Variants in NAV2 observed in about 807,000 individuals in gnomAD.
The protein encoded by NAV2 is neuron navigator 2, also known as helicase, APC down-regulated 1.
In NAV2, 54 loss-of-function variants were observed where a neutral mutation model predicts 223.2. The observed-to-expected ratio is 0.24, with a 90% CI of 0.19 to 0.30. The LOEUF (loss-of-function observed/expected upper bound fraction) is 0.30, where lower values mean the gene tolerates loss of function less well. Among genes scored for constraint, NAV2 ranks in the 10% least tolerant of loss-of-function variants. The pLI, the probability that NAV2 is intolerant of heterozygous loss-of-function variation, is 1.00. For synonymous variants in NAV2, 1,279 were observed against 1,239.3 expected (o/e 1.03, Z -0.67); for missense variants, 2,806 against 3,147.5 (o/e 0.89, Z 2.60).
chr11:19,621,837 A>G (rs1458402192), intron 1 of NAV2, among the ~76,000 whole-genome samples: 3 of 151,800 alleles, frequency 2.0e-5, no homozygotes, highest in Admixed American at 6.6e-5. Flanking sequence ...AGTTCTTTTC[A>G]TTGTGATGGT....
chr11:19,946,160 CT>C (rs1422834398), intron 8 of NAV2, among the ~76,000 whole-genome samples: 1 of 152,212 alleles, frequency 6.6e-6, no homozygotes, highest in Non-Finnish European at 1.5e-5. Context: ...CTCCCACATG[CT>C]AGACTTCACC....
intron 1 of NAV2, among the ~76,000 whole-genome samples, chr11:19,815,911 T>C (rs1383644926): frequency 6.6e-6 from 1 of 152,208 alleles, no homozygotes; most frequent in Non-Finnish European, 1.5e-5. Flanking sequence ...ATTATTCTTC[T>C]TGAGATGAAT....
intron 33 of NAV2, 86 bp downstream of exon 33, chr11:20,103,495 C>T (rs2061789966): frequency 4.6e-6 from 7 of 1,537,628 alleles, no homozygotes; most frequent in Non-Finnish European, 4.4e-6. Context: ...GGCCCGGGGC[C>T]GTTGTGGGAG....
chr11:19,748,569 A>G (rs1480952981), intron 1 of NAV2, among the ~76,000 whole-genome samples: 1 of 152,170 alleles, frequency 6.6e-6, no homozygotes, highest in African/African-American at 2.4e-5. Context: ...CTTGTTCTCC[A>G]CCTAATCCCT....
chr11:19,914,003 G>C (rs1396339697), intron 6 of NAV2, among the ~76,000 whole-genome samples: 1 of 152,204 alleles, frequency 6.6e-6, no homozygotes, highest in Non-Finnish European at 1.5e-5. Flanking sequence ...TATTGCTGGA[G>C]TCAGCTCCTA....
chr11:20,085,320 G>A (rs1259303379), intron 26 of NAV2, among the ~76,000 whole-genome samples: 1 of 152,090 alleles, frequency 6.6e-6, no homozygotes, highest in African/African-American at 2.4e-5. Context: ...TCTCAGTTGT[G>A]GTTACGATAA....
At chr11:19,417,435 T>G (rs1005213295) in intron 1 of NAV2, among the ~76,000 whole-genome samples, 5 of 151,932 alleles carry the variant, frequency 3.3e-5, no homozygotes, top group Non-Finnish European at 7.4e-5. Context: ...CATTAAAGAG[T>G]CAGGAAACAA....
At chr11:19,621,413 A>AT (rs2046990628) in intron 1 of NAV2, among the ~76,000 whole-genome samples, 1 of 152,170 alleles carries the variant, frequency 6.6e-6, no homozygotes, top group South Asian at 2.1e-4. Flanking sequence ...CAAGCTAGTA[A>AT]TTATTGCCTC....
At chr11:19,877,472 T>TTTTTTTTTTTTCTTTTTTCTTTTC (rs1555114924) in intron 4 of NAV2, among the ~76,000 whole-genome samples, 48 of 117,844 alleles carry the variant, frequency 4.1e-4, no homozygotes, top group African/African-American at 1.4e-3. Flanking sequence ...TCTTCATTCT[T>TTTTTTTTTTTTCTTTTTTCTTTTC]TTTTTTTTTT....
At chr11:19,477,101 C>T (rs527795923) in intron 1 of NAV2, among the ~76,000 whole-genome samples, 1 of 152,206 alleles carries the variant, frequency 6.6e-6, no homozygotes, top group South Asian at 2.1e-4. Context: ...TTGGGTCAAG[C>T]GAAATGATTT....
At chr11:19,785,880 G>T (rs1161939551) in intron 1 of NAV2, among the ~76,000 whole-genome samples, 4 of 152,086 alleles carry the variant, frequency 2.6e-5, no homozygotes, top group Non-Finnish European at 5.9e-5. Flanking sequence ...GGACAAAAAG[G>T]TTTCTTTTAC....
intron 1 of NAV2, among the ~76,000 whole-genome samples, chr11:19,559,599 A>C (rs370405539): frequency 2.6e-5 from 4 of 152,146 alleles, no homozygotes; most frequent in Non-Finnish European, 4.4e-5. Flanking sequence ...TTTCCTTGGC[A>C]CTAGGGTGGC....
At chr11:19,379,521 T>C (rs796922680) in intron 1 of NAV2, among the ~76,000 whole-genome samples, 8 of 152,298 alleles carry the variant, frequency 5.3e-5, no homozygotes, top group African/African-American at 1.9e-4. Flanking sequence ...CTGAAGCAGA[T>C]ACCTGAGTGG....
chr11:19,786,827 C>G (rs1481993622), intron 1 of NAV2, among the ~76,000 whole-genome samples: 2 of 152,144 alleles, frequency 1.3e-5, no homozygotes, highest in African/African-American at 4.8e-5. Flanking sequence ...AATTACCCAG[C>G]AAGAACTGTG....
intron 5 of NAV2, among the ~76,000 whole-genome samples, chr11:19,883,734 T>C (rs545312867): frequency 2.4e-4 from 37 of 152,362 alleles, no homozygotes; most frequent in African/African-American, 8.9e-4. Flanking sequence ...AAATTCTTTA[T>C]ATGTACCAAT....
chr11:19,954,620 T>A (rs2047675890), intron 10 of NAV2, among the ~76,000 whole-genome samples: 1 of 152,214 alleles, frequency 6.6e-6, no homozygotes, highest in Non-Finnish European at 1.5e-5. Flanking sequence ...TACTTTATTT[T>A]TGTTTGTATT....
intron 28 of NAV2, 106 bp from the exon 29 acceptor site, chr11:20,092,993 C>G (rs2060968000): frequency 4.0e-6 from 2 of 506,196 alleles, no homozygotes; most frequent in African/African-American, 3.9e-5. Context: ...CCCCTGCACC[C>G]TGACACCTGT....
chr11:19,586,015 A>C (rs1196154895), intron 1 of NAV2, among the ~76,000 whole-genome samples: 1 of 152,210 alleles, frequency 6.6e-6, no homozygotes, highest in African/African-American at 2.4e-5. Context: ...TTTCAGGTAC[A>C]CCAATCAGAT....
In NAV2 at chr11:19,869,418, C is replaced by G. The variant is rs1021612250; in HGVS notation, c.511+421C>G. Among the ~76,000 whole-genome samples the G allele has an allele frequency of 2.0e-5, 3 of 152,206 alleles. 1 individual carries two copies. The highest frequency in any genetic ancestry group is 6.3e-3 in the Middle Eastern group (2 of 316). On this transcript the variant is annotated intron_variant, in intron 4 of 37. Transcript: ENST00000349880. ...TCCTTATCTCTTTTATTCGAGGAAG[C>G]AGCACTTTTTCTTGCTCTTAAAAAA...
Sources: allele counts gnomAD v4.1 joint callset (sites outside exome capture counted in the v4.1 genomes callset), GRCh38; gene constraint gnomAD v4.1.1; transcripts MANE v1.5; gene names NCBI Gene and HGNC (gene_info 2026-07-23, HGNC 2026-07-21).